Variants in INSC observed in about 807,000 individuals in gnomAD.
INSC encodes the protein protein inscuteable homolog.
INSC carries 67 observed loss-of-function variants against 58.6 expected under a neutral mutation model. That is an observed-to-expected ratio of 1.14 (90% CI 0.94 to 1.40). The LOEUF (loss-of-function observed/expected upper bound fraction) is 1.40. INSC is among the 40% of genes most tolerant of loss of function. The probability of loss-of-function intolerance (pLI) is 0.00; values close to 1 mark genes in which losing one functional copy is unlikely to be tolerated. For synonymous variants in INSC, 262 were observed against 276.1 expected (o/e 0.95, Z 0.51); for missense variants, 714 against 692.0 (o/e 1.03, Z -0.36).
chr11:15,117,087 C>T (rs1162919789), intron 1 of INSC, among the ~76,000 whole-genome samples: 2 of 150,474 alleles, frequency 1.3e-5, no homozygotes, highest in Non-Finnish European at 3.0e-5. Flanking sequence ...GATTATAGAC[C>T]CCCACCACCA....
At chr11:15,177,191 G>A in intron 4 of INSC, 28 bp downstream of exon 4, 1 of 1,604,798 alleles carries the variant, frequency 6.2e-7, no homozygotes, top group Non-Finnish European at 8.5e-7. Context: ...ATCTCCCAGG[G>A]TCTGCCCACC....
At chr11:15,215,606 C>G (rs564627058) in intron 7 of INSC, among the ~76,000 whole-genome samples, 1 of 152,238 alleles carries the variant, frequency 6.6e-6, no homozygotes, top group South Asian at 2.1e-4. Flanking sequence ...CCTCCATTTC[C>G]TCATCATTCA....
intron 6 of INSC, among the ~76,000 whole-genome samples, chr11:15,192,276 C>T (rs1399548194): frequency 2.6e-5 from 4 of 152,196 alleles, no homozygotes; most frequent in Non-Finnish European, 4.4e-5. Flanking sequence ...GAGGAGAAAG[C>T]AGAGAAGGCA....
At chr11:15,199,642 T>C (rs1468099266) in intron 6 of INSC, among the ~76,000 whole-genome samples, 1 of 152,228 alleles carries the variant, frequency 6.6e-6, no homozygotes, top group African/African-American at 2.4e-5. Context: ...TGAACTTGCC[T>C]TCTTCCTATA....
chr11:15,124,982 G>T (rs1166099886), intron 1 of INSC, among the ~76,000 whole-genome samples: 1 of 152,170 alleles, frequency 6.6e-6, no homozygotes, highest in Non-Finnish European at 1.5e-5. Flanking sequence ...CATATTTCAT[G>T]CCCTTAGAGG....
intron 9 of INSC, 123 bp from the exon 10 acceptor site, chr11:15,235,479 G>C (rs556121501): frequency 9.1e-6 from 7 of 772,962 alleles, no homozygotes; most frequent in Non-Finnish European, 1.4e-5. Context: ...GGATAGGCCC[G>C]GTGGACAGGA....
Position 15,200,938 on chromosome 11 carries a change from C to A in INSC, c.808C>A (p.Gln270Lys), listed in dbSNP as rs1440564486. 1.2e-6 allele frequency: 2 copies of A among 1,606,722 alleles called. No homozygotes were observed. Among genetic ancestry groups the A allele is most frequent in the East Asian group, 4.5e-5 (2 of 44,510 alleles). ...CTGCTGCGTGGAAGAGGGTGTCCAC[C>A]AGCTGGAGAAGGTAAGGACAGCTGG... The part of the protein sequence containing the change: ...SICCVEEGVH[Q>K]LEKVDGVLCL... Residue 270 changes from glutamine to lysine, a missense_variant, in exon 7 of 13, where the codon CAG becomes AAG. Gln to Lys is a moderately conservative substitution (Grantham distance 53, BLOSUM62 1). Transcript: ENST00000379556.
At chr11:15,112,482 C>T (rs777486831), upstream of INSC, 2 of 1,609,584 alleles carry the variant, frequency 1.2e-6, no homozygotes, top group Non-Finnish European at 1.7e-6. Context: ...GAGACGGCCC[C>T]CTGGCAATGG....
intron 1 of INSC, among the ~76,000 whole-genome samples, chr11:15,119,217 T>C (rs1847808038): frequency 6.6e-6 from 1 of 152,252 alleles, no homozygotes; most frequent in South Asian, 2.1e-4. Context: ...AGCTGGAGAC[T>C]GTTGCTGTGT....
intron 3 of INSC, 116 bp from the exon 4 acceptor site, chr11:15,176,995 T>A (rs1392463922): frequency 1.2e-6 from 1 of 839,512 alleles, no homozygotes; most frequent in Non-Finnish European, 2.1e-6. Flanking sequence ...TAACTGCCTG[T>A]TCCCCAAGTC....
At chr11:15,195,138 G>A (rs1424979284) in intron 6 of INSC, among the ~76,000 whole-genome samples, 1 of 152,174 alleles carries the variant, frequency 6.6e-6, no homozygotes, top group African/African-American at 2.4e-5. Context: ...AGGATTCTGT[G>A]ACTCAAACAT....
At chr11:15,117,846 T>G (rs1847769134) in intron 1 of INSC, among the ~76,000 whole-genome samples, 1 of 152,196 alleles carries the variant, frequency 6.6e-6, no homozygotes, top group African/African-American at 2.4e-5. Flanking sequence ...CTAGTAGCTC[T>G]GGGACATAAT....
intron 7 of INSC, among the ~76,000 whole-genome samples, chr11:15,212,315 A>T (rs989974531): frequency 6.6e-6 from 1 of 152,020 alleles, no homozygotes; most frequent in African/African-American, 2.4e-5. Context: ...AGCCAGGCTG[A>T]TCTTGAACTC....
At chr11:15,200,701 G>A in intron 6 of INSC, 123 bp from the exon 7 acceptor site, 1 of 1,214,070 alleles carries the variant, frequency 8.2e-7, no homozygotes, top group South Asian at 1.4e-5. Flanking sequence ...TGTGGGGCGG[G>A]GGTTGCTGGA....
chr11:15,115,429 G>T (rs1228279140), intron 1 of INSC, among the ~76,000 whole-genome samples: 1 of 152,196 alleles, frequency 6.6e-6, no homozygotes. Context: ...TGGGGCTAGG[G>T]AGTGTTATCT....
At chr11:15,227,267 C>T (rs993904376) in intron 9 of INSC, among the ~76,000 whole-genome samples, 4 of 152,126 alleles carry the variant, frequency 2.6e-5, no homozygotes, top group African/African-American at 9.7e-5. Flanking sequence ...GGGTGTTGGT[C>T]CTGCCTGGGC....
At chr11:15,241,667 C>T in intron 12 of INSC, 2 of 702,440 alleles carry the variant, frequency 2.8e-6, no homozygotes, top group Non-Finnish European at 5.2e-6. Context: ...CTTTTTGTAT[C>T]TTTGGTACTC....
downstream of INSC, among the ~76,000 whole-genome samples, chr11:15,250,068 C>T (rs551170695): frequency 1.3e-5 from 2 of 152,292 alleles, no homozygotes; most frequent in African/African-American, 4.8e-5. Flanking sequence ...ACTGGGTTCT[C>T]AGGAAGCCCA....
chr11:15,178,247 AGTTC>A (rs1849640778), intron 4 of INSC, 73 bp from the exon 5 acceptor site: 1 of 1,570,552 alleles, frequency 6.4e-7, no homozygotes, highest in Non-Finnish European at 8.7e-7. Context: ...TAGCAGGTCC[AGTTC>A]TGGCCCGTGC....
Sources: gnomAD v4.1 joint callset for allele counts (sites outside exome capture counted in the v4.1 genomes callset) on GRCh38, gnomAD v4.1.1 for gene constraint, MANE v1.5 for transcripts, NCBI Gene and HGNC (gene_info 2026-07-23, HGNC 2026-07-21) for gene names.